TBL1X: variants seen among roughly 807,000 people sequenced by gnomAD.
TBL1X encodes transducin beta like 1 X-linked, also known as F-box-like/WD repeat-containing protein TBL1X.
Under a neutral mutation model 50.7 loss-of-function variants are expected in TBL1X, and 10 were observed. That is an observed-to-expected ratio of 0.20 (90% CI 0.12 to 0.33). TBL1X has a LOEUF of 0.33. TBL1X is among the 10% of genes least tolerant of loss of function. TBL1X has a pLI of 1.00. For missense variants in TBL1X, 340 were observed against 504.4 expected, an observed-to-expected ratio of 0.67 and a Z score of 3.12; for synonymous variants, 190 against 214.7, an observed-to-expected ratio of 0.88 and a Z score of 1.01.
intron 5 of TBL1X, among the ~76,000 whole-genome samples, chrX:9,674,175 T>C (rs975309773): frequency 1.8e-5 from 2 of 112,595 alleles, no homozygotes; most frequent in Non-Finnish European, 3.8e-5. Flanking sequence ...GTGGCAGTTT[T>C]ATTAGAGCAA....
intron 3 of TBL1X, among the ~76,000 whole-genome samples, chrX:9,651,975 C>T (rs1257127286): frequency 1.8e-5 from 2 of 112,239 alleles, no homozygotes; most frequent in African/African-American, 6.5e-5. Context: ...ATTCTCTCAC[C>T]GTGGCTGCGG....
chrX:9,674,148 A>G (rs2082977006), intron 5 of TBL1X, among the ~76,000 whole-genome samples: 1 of 112,632 alleles, frequency 8.9e-6, no homozygotes, highest in South Asian at 3.6e-4. Context: ...TAATACATAT[A>G]TTTTTAATTT....
rs768148446 is a variant in TBL1X, at chrX:9,592,455, T to C, written c.-130-47818T>C. 4.5e-5 allele frequency among the ~76,000 whole-genome samples: 5 copies of C among 112,269 alleles called. No individual in the cohort carries two copies. In the East Asian group the frequency reaches 1.4e-3, roughly 31 times the overall value. On this transcript the variant is annotated intron_variant, in intron 2 of 17. Coordinates refer to ENST00000645353, the MANE Select transcript of TBL1X (RefSeq NM_005647.4). ...TAAAACTTTCATGTCTAGTTGCATA[T>C]TCTGTTTTTTTTATTGTGGTAAGAT...
intron 2 of TBL1X, among the ~76,000 whole-genome samples, chrX:9,546,280 G>A (rs974319340): frequency 4.5e-5 from 5 of 111,967 alleles, no homozygotes; most frequent in Non-Finnish European, 9.4e-5. Flanking sequence ...TTGGGAGGCC[G>A]AGGCGGGCGG....
In TBL1X at chrX:9,693,230, C is replaced by G; in HGVS notation, c.955+18C>G. On this transcript the variant is annotated intron_variant, in intron 10 of 17. Transcript: ENST00000645353. ...GGAAGATGGTGAGTTCTGTGTCCCT[C>G]GTGCTGGGGTCGGGTAAGAGGAGCT... 2 of 1,211,038 alleles carry G rather than the reference C, an allele frequency of 1.7e-6. No homozygotes were observed. The highest frequency in any genetic ancestry group is 2.2e-6 in the Non-Finnish European group (2 of 895,069).
intron 2 of TBL1X, among the ~76,000 whole-genome samples, chrX:9,601,976 G>A (rs935582874): frequency 9.0e-6 from 1 of 111,611 alleles, no homozygotes; most frequent in Non-Finnish European, 1.9e-5. Context: ...ACCGGGAGGC[G>A]GAGGTTGCAG....
intron 2 of TBL1X, among the ~76,000 whole-genome samples, chrX:9,527,602 C>T (rs1428261472): frequency 1.4e-4 from 16 of 111,335 alleles, no homozygotes; most frequent in Non-Finnish European, 2.8e-4. Context: ...TGTTAGAGGT[C>T]GGCAAACCTT....
At chrX:9,707,302 T>G (rs1313934692) in intron 13 of TBL1X, among the ~76,000 whole-genome samples, 1 of 111,893 alleles carries the variant, frequency 8.9e-6, no homozygotes, top group Non-Finnish European at 1.9e-5. Context: ...TATCGTCCTG[T>G]TAACATCTGT....
chrX:9,703,380 T>C (rs1026767171), intron 12 of TBL1X, among the ~76,000 whole-genome samples: 1 of 111,056 alleles, frequency 9.0e-6, no homozygotes, highest in Non-Finnish European at 1.9e-5. Flanking sequence ...TCGCATGGCC[T>C]TTTCTGCTGC....
At chrX:9,588,854 C>G (rs2082484771) in intron 2 of TBL1X, among the ~76,000 whole-genome samples, 1 of 111,015 alleles carries the variant, frequency 9.0e-6, no homozygotes, top group Non-Finnish European at 1.9e-5. Flanking sequence ...CCACCTGCCT[C>G]GACCTCCCAA....
At chrX:9,566,130 C>A (rs2082350256) in intron 2 of TBL1X, among the ~76,000 whole-genome samples, 1 of 111,913 alleles carries the variant, frequency 8.9e-6, no homozygotes, top group Non-Finnish European at 1.9e-5. Flanking sequence ...GGTTTCACAA[C>A]CTTGGCATTG....
At chrX:9,712,580 G>T (rs570374035) in intron 16 of TBL1X, among the ~76,000 whole-genome samples, 4 of 111,910 alleles carry the variant, frequency 3.6e-5, no homozygotes, top group Non-Finnish European at 7.5e-5. Context: ...CAGGTGATCC[G>T]CCCACTTTTG....
chrX:9,532,589 G>A (rs1482592038), intron 2 of TBL1X, among the ~76,000 whole-genome samples: 3 of 111,014 alleles, frequency 2.7e-5, no homozygotes, highest in Admixed American at 1.9e-4. Flanking sequence ...GCAGCACCAC[G>A]TGCCGGGCGG....
At chrX:9,699,527 T>G (rs1055022079) in intron 12 of TBL1X, among the ~76,000 whole-genome samples, 4 of 111,640 alleles carry the variant, frequency 3.6e-5, no homozygotes, top group African/African-American at 9.8e-5. Context: ...GTCTTTCTTG[T>G]CATGCAGCTT....
intron 1 of TBL1X, among the ~76,000 whole-genome samples, chrX:9,467,618 C>CTT (rs762841772): frequency 5.3e-4 from 56 of 105,162 alleles, no homozygotes; most frequent in African/African-American, 1.4e-3. Context: ...ATTGTAAACA[C>CTT]TTTTTTTTTT....
At chrX:9,569,683 G>A (rs1239170653) in intron 2 of TBL1X, among the ~76,000 whole-genome samples, 3 of 111,671 alleles carry the variant, frequency 2.7e-5, no homozygotes, top group Non-Finnish European at 5.6e-5. Context: ...AAGACCAAAC[G>A]AAACAGGAAT....
intron 1 of TBL1X, among the ~76,000 whole-genome samples, chrX:9,473,161 A>G (rs2081828236): frequency 9.0e-6 from 1 of 111,635 alleles, no homozygotes; most frequent in South Asian, 3.7e-4. Context: ...GGTGCTATAA[A>G]AGTCCAGGTG....
chrX:9,685,872 A>G (rs1297412162), intron 6 of TBL1X, among the ~76,000 whole-genome samples: 7 of 107,571 alleles, frequency 6.5e-5, no homozygotes, highest in Non-Finnish European at 9.6e-5. Context: ...ATAGGTACAC[A>G]CCACCACGTC....
intron 14 of TBL1X, 104 bp downstream of exon 14, chrX:9,709,426 C>T: frequency 1.0e-6 from 1 of 991,332 alleles, no homozygotes; most frequent in Non-Finnish European, 1.4e-6. Flanking sequence ...TTATTACTGA[C>T]CACCCTCCCT....
Sources: gnomAD v4.1 joint callset for allele counts (sites outside exome capture counted in the v4.1 genomes callset) on GRCh38, gnomAD v4.1.1 for gene constraint, MANE v1.5 for transcripts, NCBI Gene and HGNC (gene_info 2026-07-23, HGNC 2026-07-21) for gene names.